The following BZW2 variants were observed in gnomAD, a reference collection of about 807,000 sequenced individuals.
BZW2 encodes the protein eIF5-mimic protein 1.
A neutral mutation model predicts 53.2 loss-of-function variants in BZW2; 23 were observed. The ratio of observed to expected loss-of-function variants is 0.43; its 90% CI spans 0.31 to 0.61. The LOEUF (loss-of-function observed/expected upper bound fraction) is 0.61. BZW2 is among the 20% of genes least tolerant of loss of function. The pLI, the probability that BZW2 is intolerant of heterozygous loss-of-function variation, is 0.09. For synonymous variants in BZW2, 227 were observed against 186.4 expected (o/e 1.22, Z -1.77); for missense variants, 409 against 503.1 (o/e 0.81, Z 1.79).
chr7:16,674,296 G>A (rs1054714975), intron 2 of BZW2, 116 bp from the exon 3 acceptor site: 65 of 688,080 alleles, frequency 9.4e-5, no homozygotes, highest in Non-Finnish European at 1.3e-4. Context: ...ATTCTTTGGC[G>A]ATGCTCTGTG....
rs147890206 is a variant in BZW2 at position 16,647,520 on chromosome 7, C to T, written c.-8+1232C>T. 2.9e-3 allele frequency among the ~76,000 whole-genome samples: 435 copies of T among 152,252 alleles called. 4 individuals carry two copies. Among genetic ancestry groups the T allele is most frequent in the African/African-American group, 1.0e-2 (415 of 41,532 alleles). ...CTTTCCTAAACTCCAGCTGTTTTTC[C>T]CCCCTAAAGCTTCAGCATTAAAGAC... On this transcript the variant is annotated intron_variant, in intron 1 of 11. Transcript: ENST00000258761.
At chr7:16,691,425 A>G (rs1420632433) in intron 7 of BZW2, among the ~76,000 whole-genome samples, 2 of 152,218 alleles carry the variant, frequency 1.3e-5, no homozygotes, top group African/African-American at 2.4e-5. Flanking sequence ...TGGGTTGTCT[A>G]TAGATTAGCT....
At chr7:16,664,018 A>G (rs1264011263) in intron 1 of BZW2, among the ~76,000 whole-genome samples, 3 of 152,214 alleles carry the variant, frequency 2.0e-5, no homozygotes, top group Admixed American at 1.3e-4. Context: ...TTAAATTGTT[A>G]TTGCATAGAA....
chr7:16,682,149 G>A (rs1782964934), intron 4 of BZW2, among the ~76,000 whole-genome samples: 1 of 152,142 alleles, frequency 6.6e-6, no homozygotes, highest in East Asian at 1.9e-4. Flanking sequence ...TAGCCTGTGT[G>A]TAGGAGAAAA....
intron 2 of BZW2, among the ~76,000 whole-genome samples, chr7:16,671,501 C>A (rs1782597893): frequency 6.6e-6 from 1 of 152,174 alleles, no homozygotes; most frequent in African/African-American, 2.4e-5. Flanking sequence ...TCACCATTAT[C>A]CACAAGAGTA....
chr7:16,674,735 A>C, intron 3 of BZW2, 147 bp downstream of exon 3: 1 of 713,512 alleles, frequency 1.4e-6, no homozygotes, highest in Non-Finnish European at 2.1e-6. Context: ...TACCTGGTTT[A>C]GGATTTGGAA....
chr7:16,668,838 C>A (rs572379619), intron 2 of BZW2, among the ~76,000 whole-genome samples: 1 of 152,222 alleles, frequency 6.6e-6, no homozygotes, highest in African/African-American at 2.4e-5. Context: ...TAATCAGATT[C>A]TCTTTTCCTT....
rs181315627 is a variant in BZW2, at chr7:16,685,761, C to T, written c.406-144C>T. The T allele has an allele frequency of 6.0e-3, 6,238 of 1,036,606 alleles. 31 individuals carry two copies. The highest frequency in any genetic ancestry group is 6.7e-3 in the Non-Finnish European group (4,998 of 748,270). 64.2% of individuals were successfully genotyped at this position (1,036,606 alleles called of 1,614,324 possible). A position where few individuals can be genotyped will look rare whatever the true frequency, so the allele number is the denominator to read the frequency against. ...GTTTATCATGAAATGAATTACTATG[C>T]TTTGCATATGACCTTCTGTTTGTGT... On this transcript the variant is annotated intron_variant, in intron 5 of 11. Transcript: ENST00000258761.
At chr7:16,696,463 T>A (rs1271915915) in intron 8 of BZW2, among the ~76,000 whole-genome samples, 1 of 152,226 alleles carries the variant, frequency 6.6e-6, no homozygotes, top group African/African-American at 2.4e-5. Context: ...TCAAAAGTAA[T>A]CATTGAAGAA....
chr7:16,657,967 G>A (rs1782161171), intron 1 of BZW2, among the ~76,000 whole-genome samples: 1 of 152,166 alleles, frequency 6.6e-6, no homozygotes, highest in Non-Finnish European at 1.5e-5. Flanking sequence ...TTTGAGGGAC[G>A]GGTTTTCTAA....
At chr7:16,696,705 T>C (rs113916296) in intron 8 of BZW2, among the ~76,000 whole-genome samples, 1 of 148,218 alleles carries the variant, frequency 6.7e-6, no homozygotes, top group African/African-American at 2.6e-5. Context: ...GCTAAGCCTA[T>C]TAATTTTGGG....
At chr7:16,682,976 T>C (rs1224950932) in intron 5 of BZW2, 131 bp downstream of exon 5, 1 of 429,480 alleles carries the variant, frequency 2.3e-6, no homozygotes, top group Non-Finnish European at 4.0e-6. Flanking sequence ...GACGGGTGGG[T>C]CACAAGGTCA....
At chr7:16,688,238 A>G (rs1783191860) in intron 6 of BZW2, among the ~76,000 whole-genome samples, 1 of 152,232 alleles carries the variant, frequency 6.6e-6, no homozygotes, top group African/African-American at 2.4e-5. Flanking sequence ...AGTATCATTC[A>G]GGACTTAAGT....
chr7:16,676,391 A>G (rs962059433), intron 3 of BZW2, among the ~76,000 whole-genome samples: 2 of 152,022 alleles, frequency 1.3e-5, no homozygotes, highest in Non-Finnish European at 2.9e-5. Flanking sequence ...TCTACTAAAA[A>G]TACCAAATTA....
intron 3 of BZW2, among the ~76,000 whole-genome samples, chr7:16,679,688 G>A (rs1782878283): frequency 6.6e-6 from 1 of 152,188 alleles, no homozygotes; most frequent in African/African-American, 2.4e-5. Context: ...AACAAATAAA[G>A]GGAGTGGCTA....
chr7:16,681,545 A>T, intron 4 of BZW2, 141 bp downstream of exon 4: 1 of 701,210 alleles, frequency 1.4e-6, no homozygotes, highest in Non-Finnish European at 2.3e-6. Flanking sequence ...AAACTACAAA[A>T]ATAGGCCTAG....
At chr7:16,657,742 A>G (rs934799299) in intron 1 of BZW2, among the ~76,000 whole-genome samples, 3 of 152,156 alleles carry the variant, frequency 2.0e-5, no homozygotes, top group Admixed American at 1.3e-4. Flanking sequence ...GTTCAATAAA[A>G]TATGTGCTTA....
At chr7:16,695,256 A>T (rs1228841234) in intron 8 of BZW2, among the ~76,000 whole-genome samples, 1 of 152,248 alleles carries the variant, frequency 6.6e-6, no homozygotes, top group African/African-American at 2.4e-5. Flanking sequence ...CCAGGCTGCT[A>T]TGATTTTCAA....
Position 16,677,205 on chromosome 7 carries a change from T to A in BZW2, c.235+2617T>A, listed in dbSNP as rs1198821919. 2.6e-5 allele frequency among the ~76,000 whole-genome samples: 4 copies of A among 152,176 alleles called. No homozygotes were observed. The East Asian group carries it at 7.7e-4, about 29-fold the overall frequency. ...TCCTTCCCACTGTGCTCTCAGGCAA[T>A]AGATGATTGGCTATTTCTTTGCCTC... On this transcript the variant is annotated intron_variant, in intron 3 of 11. Transcript: ENST00000258761.
Sources: gnomAD v4.1 joint callset for allele counts (sites outside exome capture counted in the v4.1 genomes callset) on GRCh38, gnomAD v4.1.1 for gene constraint, MANE v1.5 for transcripts, NCBI Gene and HGNC (gene_info 2026-07-23, HGNC 2026-07-21) for gene names.